Variants in SKAP1 observed in about 807,000 individuals in gnomAD.
SKAP1 encodes src kinase-associated phosphoprotein 1.
A neutral mutation model predicts 58.5 loss-of-function variants in SKAP1; 44 were observed. That is an observed-to-expected ratio of 0.75 (90% confidence interval 0.59 to 0.97). SKAP1 has a LOEUF of 0.97. SKAP1 is among the 50% of genes least tolerant of loss of function. SKAP1 has a pLI of 0.00. For synonymous variants in SKAP1, 127 were observed against 149.7 expected (o/e 0.85, Z 1.11); for missense variants, 390 against 435.2 (o/e 0.90, Z 0.92).
intron 4 of SKAP1, among the ~76,000 whole-genome samples, chr17:48,266,805 C>T (rs917336882): frequency 1.3e-5 from 2 of 152,056 alleles, no homozygotes; most frequent in Admixed American, 6.5e-5. Flanking sequence ...CCACCGTGCC[C>T]GGCCCTGTTT....
chr17:48,313,168 C>G (rs1161494351), intron 4 of SKAP1, among the ~76,000 whole-genome samples: 1 of 151,916 alleles, frequency 6.6e-6, no homozygotes, highest in Admixed American at 6.6e-5. Context: ...GAGGGCGCGG[C>G]TGGTGTGAAC....
chr17:48,444,658 A>G, the SKAP1 span, among the ~76,000 whole-genome samples: 514 of 152,298 alleles, frequency 3.4e-3, 2 homozygotes, highest in African/African-American at 0.012. Context: ...TGTTCCCTCA[A>G]GCCCCCACTT....
At chr17:48,298,092 C>A (rs1245851140) in intron 4 of SKAP1, among the ~76,000 whole-genome samples, 1 of 152,186 alleles carries the variant, frequency 6.6e-6, no homozygotes, top group African/African-American at 2.4e-5. Context: ...AGACTCTTTC[C>A]AGATGTTCCA....
Position 48,299,437 on chromosome 17 carries a change from T to C in SKAP1, c.280+46468A>G, listed in dbSNP as rs377314344. ...TTCTGATGTCTAAGGGAGGAAAACCTCCAGATATCATTGAAGGGGGAAGAG... is the reference window on the plus strand; with the variant it reads ...TTCTGATGTCTAAGGGAGGAAAACCCCCAGATATCATTGAAGGGGGAAGAG... On this transcript the variant is annotated intron_variant, in intron 4 of 12. Coordinates refer to ENST00000336915, the MANE Select transcript of SKAP1 (RefSeq NM_003726.4). Among the ~76,000 whole-genome samples, 51 of 152,292 alleles carry C rather than the reference T, an allele frequency of 3.3e-4. 1 individual carries two copies. In the East Asian group the frequency reaches 7.9e-3, roughly 24 times the overall value.
chr17:48,309,571 A>G (rs2066194712), intron 4 of SKAP1, among the ~76,000 whole-genome samples: 1 of 129,428 alleles, frequency 7.7e-6, no homozygotes, highest in Admixed American at 7.4e-5. Context: ...ATGCACAGAT[A>G]TAAATATATA....
chr17:48,157,276 C>A lies in SKAP1; in HGVS notation c.978+5193G>T, dbSNP rs556178197. ...TTTGAGACGGAGTCTCGCTCTGTTG[C>A]CCAAGCTGGAGCGCAGTGGCGTAAT... On this transcript the variant is annotated intron_variant, in intron 11 of 12. Coordinates refer to ENST00000336915, the MANE Select transcript of SKAP1 (RefSeq NM_003726.4). Among the ~76,000 whole-genome samples the A allele has an allele frequency of 2.3e-3, 344 of 151,780 alleles. 2 individuals carry two copies. The highest frequency in any genetic ancestry group is 8.1e-3 in the African/African-American group (335 of 41,354).
intron 4 of SKAP1, among the ~76,000 whole-genome samples, chr17:48,218,703 G>T (rs1241055409): frequency 6.6e-6 from 1 of 152,198 alleles, no homozygotes; most frequent in East Asian, 1.9e-4. Flanking sequence ...TTGTGACTTT[G>T]TGTCAAAAGT....
chr17:48,321,345 CTCA>C (rs1312585310), intron 4 of SKAP1, among the ~76,000 whole-genome samples: 7 of 139,212 alleles, frequency 5.0e-5, no homozygotes, highest in Non-Finnish European at 7.6e-5. Flanking sequence ...ATCCTTCTGT[CTCA>C]TTATTATTAT....
At chr17:48,279,144 C>T (rs1478095914) in intron 4 of SKAP1, among the ~76,000 whole-genome samples, 1 of 152,116 alleles carries the variant, frequency 6.6e-6, no homozygotes, top group African/African-American at 2.4e-5. Context: ...TGACGGTATT[C>T]TTAAGGCCTC....
At chr17:48,246,548 G>A (rs2065299218) in intron 4 of SKAP1, among the ~76,000 whole-genome samples, 2 of 151,944 alleles carry the variant, frequency 1.3e-5, no homozygotes, top group African/African-American at 2.4e-5. Context: ...ATTCAAATAC[G>A]GTTCTTCATG....
chr17:48,357,242 A>G (rs1030839970), intron 3 of SKAP1, among the ~76,000 whole-genome samples: 10 of 152,150 alleles, frequency 6.6e-5, no homozygotes, highest in African/African-American at 2.4e-4. Context: ...TCTTAATATC[A>G]TCTACTACAG....
chr17:48,398,028 C>A (rs1264618460), intron 1 of SKAP1, among the ~76,000 whole-genome samples: 2 of 152,080 alleles, frequency 1.3e-5, no homozygotes, highest in Non-Finnish European at 2.9e-5. Flanking sequence ...AAAAATTGTG[C>A]GTGTAATATG....
chr17:48,340,928 A>G (rs569729446), intron 4 of SKAP1, among the ~76,000 whole-genome samples: 139 of 152,354 alleles, frequency 9.1e-4, no homozygotes, highest in Admixed American at 1.7e-3. Context: ...GTAAGAGTAG[A>G]TGTCTACAGA....
At chr17:48,374,796 A>G (rs1457345888) in intron 2 of SKAP1, among the ~76,000 whole-genome samples, 2 of 152,220 alleles carry the variant, frequency 1.3e-5, no homozygotes, top group African/African-American at 4.8e-5. Flanking sequence ...AAAGAGTAAC[A>G]TGGCCAGTGA....
chr17:48,372,828 A>C (rs2067103676), intron 2 of SKAP1, among the ~76,000 whole-genome samples: 1 of 151,978 alleles, frequency 6.6e-6, no homozygotes. Context: ...TTTTCATTTT[A>C]GTAGATACAA....
At chr17:48,264,427 T>G (rs1397059445) in intron 4 of SKAP1, among the ~76,000 whole-genome samples, 1 of 152,210 alleles carries the variant, frequency 6.6e-6, no homozygotes, top group Non-Finnish European at 1.5e-5. Context: ...TGAGATTCAA[T>G]GTACATTTTA....
chr17:48,199,058 G>A (rs1383892354), intron 4 of SKAP1, among the ~76,000 whole-genome samples: 2 of 152,228 alleles, frequency 1.3e-5, no homozygotes, highest in South Asian at 2.1e-4. Flanking sequence ...AACGAATGAC[G>A]AAATGTCATT....
intron 7 of SKAP1, among the ~76,000 whole-genome samples, chr17:48,183,942 C>T (rs1402788326): frequency 6.6e-6 from 1 of 151,994 alleles, no homozygotes; most frequent in African/African-American, 2.4e-5. Flanking sequence ...TAAAGTTTTT[C>T]TAAATTGCTT....
chr17:48,146,560 CA>C (rs1396322968), intron 11 of SKAP1, among the ~76,000 whole-genome samples: 4 of 151,580 alleles, frequency 2.6e-5, no homozygotes, highest in African/African-American at 9.7e-5. Flanking sequence ...TCATGGGCTT[CA>C]GCCCTCCAGC....
Sources: gnomAD v4.1 joint callset for allele counts (sites outside exome capture counted in the v4.1 genomes callset) on GRCh38, gnomAD v4.1.1 for gene constraint, MANE v1.5 for transcripts, NCBI Gene and HGNC (gene_info 2026-07-23, HGNC 2026-07-21) for gene names.